MCU: variants seen among roughly 807,000 people sequenced by gnomAD.
MCU encodes the protein calcium uniporter protein, mitochondrial.
In MCU, 12 loss-of-function variants were observed where a neutral mutation model predicts 45.2. The observed-to-expected ratio is 0.27, with a 90% CI of 0.17 to 0.43. The LOEUF (loss-of-function observed/expected upper bound fraction) is 0.43, where lower values mean the gene tolerates loss of function less well. Ranked by LOEUF, MCU falls within the 20% of genes least tolerant of loss-of-function variation. The pLI is 1.00. For missense variants in MCU, 324 were observed against 436.7 expected, an observed-to-expected ratio of 0.74 and a Z score of 2.30; for synonymous variants, 160 against 165.1, an observed-to-expected ratio of 0.97 and a Z score of 0.24.
chr10:72,725,933 A>G (rs987024827), intron 1 of MCU, among the ~76,000 whole-genome samples: 1 of 152,190 alleles, frequency 6.6e-6, no homozygotes, highest in Non-Finnish European at 1.5e-5. Flanking sequence ...TGCCTTTCAT[A>G]TAACTAAAAT....
chr10:72,818,050 A>G (rs1380481211), intron 1 of MCU, among the ~76,000 whole-genome samples: 2 of 152,262 alleles, frequency 1.3e-5, no homozygotes, highest in South Asian at 2.1e-4. Context: ...TGACAATGTT[A>G]AATTTCCCAC....
At chr10:72,803,045 C>T (rs1286513720) in intron 1 of MCU, among the ~76,000 whole-genome samples, 1 of 152,122 alleles carries the variant, frequency 6.6e-6, no homozygotes, top group Non-Finnish European at 1.5e-5. Flanking sequence ...TCCTTTTCTC[C>T]TCTTCTCCTT....
At chr10:72,705,189 A>G (rs1589424373) in intron 1 of MCU, among the ~76,000 whole-genome samples, 2 of 152,236 alleles carry the variant, frequency 1.3e-5, no homozygotes, top group Middle Eastern at 3.4e-3. Context: ...AAAAAATCTT[A>G]CTTTAAGTTC....
chr10:72,796,693 GTT>G (rs34029455), intron 1 of MCU, among the ~76,000 whole-genome samples: 1 of 133,946 alleles, frequency 7.5e-6, no homozygotes, highest in African/African-American at 2.8e-5. Context: ...TTTAGTTTTT[GTT>G]TTTTTTTTTT....
chr10:72,790,372 T>A (rs11000415), intron 1 of MCU, among the ~76,000 whole-genome samples: 3,882 of 152,240 alleles, frequency 0.025, 81 homozygotes, highest in Middle Eastern at 0.082. Flanking sequence ...CCACACCCAG[T>A]TGGGGGCTGG....
intron 1 of MCU, among the ~76,000 whole-genome samples, chr10:72,732,982 T>G (rs1253716811): frequency 6.6e-6 from 1 of 152,220 alleles, no homozygotes; most frequent in African/African-American, 2.4e-5. Context: ...GCCAGATTAA[T>G]ATTAAATGGA....
chr10:72,811,137 C>T (rs948081178), intron 1 of MCU, among the ~76,000 whole-genome samples: 1 of 152,210 alleles, frequency 6.6e-6, no homozygotes, highest in Admixed American at 6.5e-5. Context: ...GAATCTTTTA[C>T]TGCCAATTTC....
chr10:72,703,387 G>A (rs1842781863), intron 1 of MCU, among the ~76,000 whole-genome samples: 1 of 152,190 alleles, frequency 6.6e-6, no homozygotes, highest in African/African-American at 2.4e-5. Context: ...CACACAGCTA[G>A]CAGATGTCAC....
rs192801120 is a variant in MCU at position 72,739,001 on chromosome 10, G to A, written c.150+46700G>A. Among the ~76,000 whole-genome samples the A allele has an allele frequency of 1.9e-4, 29 of 152,180 alleles. 1 individual carries two copies. The highest frequency in any genetic ancestry group is 7.0e-4 in the African/African-American group (29 of 41,506). ...CTTCTCATTATTATATTCAACTAGA[G>A]CCAAAAACATATTTGGTTATGTATG... On this transcript the variant is annotated intron_variant, in intron 1 of 7. Coordinates refer to ENST00000373053, the MANE Select transcript of MCU (RefSeq NM_138357.3).
chr10:72,868,994 T>G (rs1407796251), intron 5 of MCU, 131 bp downstream of exon 5: 4 of 939,190 alleles, frequency 4.3e-6, no homozygotes, highest in Non-Finnish European at 6.2e-6. Flanking sequence ...TTTATGGGAC[T>G]GAACCATAAA....
intron 1 of MCU, among the ~76,000 whole-genome samples, chr10:72,778,174 G>A (rs928836438): frequency 6.6e-6 from 1 of 152,240 alleles, no homozygotes; most frequent in Admixed American, 6.5e-5. Flanking sequence ...TCACTACTGG[G>A]TATATAGCCA....
At chr10:72,722,316 CAAAAAAAAAAAAAAAA>C (rs35164146) in intron 1 of MCU, among the ~76,000 whole-genome samples, 1 of 20,158 alleles carries the variant, frequency 5.0e-5, no homozygotes, top group Non-Finnish European at 1.1e-4. Flanking sequence ...AACTCCATCT[CAAAAAAAAAAAAAAAA>C]AAAAAAAAAA....
chr10:72,872,471 G>A (rs903869697), intron 6 of MCU, among the ~76,000 whole-genome samples: 2 of 152,086 alleles, frequency 1.3e-5, no homozygotes, highest in African/African-American at 4.8e-5. Flanking sequence ...CAACTTCTAT[G>A]GGATCAGCTT....
chr10:72,805,227 T>TTCC (rs1166784663), intron 1 of MCU, among the ~76,000 whole-genome samples: 84 of 140,472 alleles, frequency 6.0e-4, no homozygotes, highest in African/African-American at 2.5e-3. Flanking sequence ...TTCCTTTCCT[T>TTCC]TTTCCTTTCC....
At chr10:72,765,472 T>C (rs1012662683) in intron 1 of MCU, among the ~76,000 whole-genome samples, 1 of 151,980 alleles carries the variant, frequency 6.6e-6, no homozygotes, top group Admixed American at 6.6e-5. Flanking sequence ...CTATTATAGA[T>C]ATTATTAAGG....
chr10:72,761,263 A>G (rs1291202330), intron 1 of MCU, among the ~76,000 whole-genome samples: 2 of 152,202 alleles, frequency 1.3e-5, no homozygotes, highest in Non-Finnish European at 1.5e-5. Flanking sequence ...AATGTTGAAC[A>G]AAAGGTTTGA....
At chr10:72,753,570 T>G (rs1354307612) in intron 1 of MCU, among the ~76,000 whole-genome samples, 1 of 152,114 alleles carries the variant, frequency 6.6e-6, no homozygotes, top group Non-Finnish European at 1.5e-5. Context: ...ATCATTTCAT[T>G]TAATACTGAA....
At chr10:72,703,950 A>G (rs1315944795) in intron 1 of MCU, among the ~76,000 whole-genome samples, 1 of 152,152 alleles carries the variant, frequency 6.6e-6, no homozygotes, top group Non-Finnish European at 1.5e-5. Flanking sequence ...TCATGAAATA[A>G]TATTTTTTAC....
At chr10:72,812,921 G>T (rs1844567269) in intron 1 of MCU, among the ~76,000 whole-genome samples, 1 of 152,092 alleles carries the variant, frequency 6.6e-6, no homozygotes, top group Non-Finnish European at 1.5e-5. Flanking sequence ...GTGGCTTAGT[G>T]CTTCAAGATG....
Sources: gnomAD v4.1 joint callset for allele counts (sites outside exome capture counted in the v4.1 genomes callset) on GRCh38, gnomAD v4.1.1 for gene constraint, MANE v1.5 for transcripts, NCBI Gene and HGNC (gene_info 2026-07-23, HGNC 2026-07-21) for gene names.